Variants in CRPPA observed in about 807,000 individuals in gnomAD.
The protein encoded by CRPPA is CDP-L-ribitol pyrophosphorylase A, also known as D-ribitol-5-phosphate cytidylyltransferase.
Under a neutral mutation model 52.0 loss-of-function variants are expected in CRPPA, and 43 were observed. The ratio of observed to expected loss-of-function variants is 0.83; its 90% CI spans 0.65 to 1.07. CRPPA has a LOEUF of 1.07. CRPPA is among the 50% of genes least tolerant of loss of function. The pLI, the probability that CRPPA is intolerant of heterozygous loss-of-function variation, is 0.00. For synonymous variants in CRPPA, 250 were observed against 203.5 expected (o/e 1.23, Z -1.94); for missense variants, 629 against 551.7 (o/e 1.14, Z -1.40).
chr7:16,418,859 G>C (rs1788257528), intron 1 of CRPPA, among the ~76,000 whole-genome samples: 1 of 152,126 alleles, frequency 6.6e-6, no homozygotes, highest in Non-Finnish European at 1.5e-5. Context: ...GCCTATCTTA[G>C]ACTGCCTCAG....
intron 9 of CRPPA, among the ~76,000 whole-genome samples, chr7:16,146,747 T>C (rs2128377612): frequency 6.6e-6 from 1 of 151,504 alleles, no homozygotes; most frequent in African/African-American, 2.4e-5. Context: ...ATCACAAAGA[T>C]AAAATGTATA....
At chr7:16,349,865 C>A (rs1786102252) in intron 3 of CRPPA, among the ~76,000 whole-genome samples, 1 of 151,738 alleles carries the variant, frequency 6.6e-6, no homozygotes, top group Non-Finnish European at 1.5e-5. Flanking sequence ...ACAAACTTCC[C>A]AAGGCTGGAA....
At chr7:16,262,618 G>T (rs949058535) in intron 6 of CRPPA, among the ~76,000 whole-genome samples, 3 of 152,082 alleles carry the variant, frequency 2.0e-5, no homozygotes, top group Admixed American at 1.3e-4. Flanking sequence ...CTATGAATTA[G>T]AGTGTTAAAA....
intron 8 of CRPPA, among the ~76,000 whole-genome samples, chr7:16,252,301 T>C (rs1295159): frequency 0.78 from 118,323 of 152,118 alleles, 46,556 homozygotes; most frequent in African/African-American, 0.89. Context: ...ACAACAAAAA[T>C]CACATGATTG....
At chr7:16,317,663 G>A (rs1399981330) in intron 3 of CRPPA, among the ~76,000 whole-genome samples, 1 of 152,162 alleles carries the variant, frequency 6.6e-6, no homozygotes, top group East Asian at 1.9e-4. Flanking sequence ...AATGGACACA[G>A]GGTTTTTTCC....
intron 9 of CRPPA, among the ~76,000 whole-genome samples, chr7:16,116,313 G>A (rs902221112): frequency 2.0e-5 from 3 of 152,028 alleles, no homozygotes; most frequent in African/African-American, 7.2e-5. Flanking sequence ...ATCTAAATGA[G>A]GGACATTATA....
chr7:16,355,105 T>C (rs141446333), intron 3 of CRPPA, among the ~76,000 whole-genome samples: 151 of 152,302 alleles, frequency 9.9e-4, no homozygotes, highest in African/African-American at 3.5e-3. Context: ...AAATAAAGCA[T>C]GTCCATGTCG....
intron 5 of CRPPA, among the ~76,000 whole-genome samples, chr7:16,283,251 CATAT>C (rs140032683): frequency 6.9e-6 from 1 of 145,584 alleles, no homozygotes; most frequent in African/African-American, 2.5e-5. Flanking sequence ...ACTGATCTAC[CATAT>C]ATATATATAT....
intron 3 of CRPPA, among the ~76,000 whole-genome samples, chr7:16,312,206 T>C (rs2128425538): frequency 6.6e-6 from 1 of 152,142 alleles, no homozygotes; most frequent in Non-Finnish European, 1.5e-5. Flanking sequence ...TAGATCACGT[T>C]GGGGAGAAAT....
chr7:16,414,485 T>A (rs1009417984), intron 1 of CRPPA, among the ~76,000 whole-genome samples: 1 of 152,002 alleles, frequency 6.6e-6, no homozygotes, highest in African/African-American at 2.4e-5. Flanking sequence ...ATCCAGGGAA[T>A]ACATTTTTTA....
intron 2 of CRPPA, among the ~76,000 whole-genome samples, chr7:16,400,253 C>T (rs1787773191): frequency 1.3e-5 from 2 of 152,186 alleles, no homozygotes; most frequent in African/African-American, 2.4e-5. Context: ...ACATGATCAA[C>T]ACGTGATTGT....
At chr7:16,342,163 C>G (rs1416069845) in intron 3 of CRPPA, among the ~76,000 whole-genome samples, 1 of 152,152 alleles carries the variant, frequency 6.6e-6, no homozygotes, top group Non-Finnish European at 1.5e-5. Context: ...AAGTGACCCT[C>G]TGATTATGTG....
At chr7:16,165,001 T>A (rs1413548193) in intron 9 of CRPPA, among the ~76,000 whole-genome samples, 1 of 152,018 alleles carries the variant, frequency 6.6e-6, no homozygotes, top group African/African-American at 2.4e-5. Flanking sequence ...GAGGAGGCAG[T>A]CTGTCCCTTA....
chr7:16,124,501 C>T (rs1782538135), intron 9 of CRPPA, among the ~76,000 whole-genome samples: 1 of 152,114 alleles, frequency 6.6e-6, no homozygotes, highest in Admixed American at 6.5e-5. Context: ...GCTACATGTT[C>T]TCACTCATAT....
At chr7:16,249,825 T>G (rs991099560) in intron 8 of CRPPA, among the ~76,000 whole-genome samples, 5 of 152,188 alleles carry the variant, frequency 3.3e-5, no homozygotes, top group African/African-American at 1.2e-4. Flanking sequence ...CCTCTTCTCC[T>G]TCAAAGGATC....
chr7:16,411,354 G>C (rs1203614592), intron 1 of CRPPA, among the ~76,000 whole-genome samples: 1 of 152,054 alleles, frequency 6.6e-6, no homozygotes, highest in Non-Finnish European at 1.5e-5. Flanking sequence ...CTGAGAGGAA[G>C]GTGAAAAATC....
At chr7:16,143,337 C>T (rs929058919) in intron 9 of CRPPA, among the ~76,000 whole-genome samples, 2 of 152,150 alleles carry the variant, frequency 1.3e-5, no homozygotes, top group Non-Finnish European at 2.9e-5. Flanking sequence ...GAATAAAAAA[C>T]TTACCTTTGG....
intron 9 of CRPPA, among the ~76,000 whole-genome samples, chr7:16,103,118 T>G (rs925240800): frequency 2.0e-5 from 3 of 152,178 alleles, no homozygotes; most frequent in African/African-American, 7.2e-5. Context: ...TGGAATACTA[T>G]GCAGCCATAA....
chr7:16,208,675 C>T (rs984892469), intron 9 of CRPPA, among the ~76,000 whole-genome samples: 2 of 152,130 alleles, frequency 1.3e-5, no homozygotes, highest in Non-Finnish European at 2.9e-5. Flanking sequence ...TTGGCTAATT[C>T]ATCTTAAAAA....
Sources: allele counts gnomAD v4.1 joint callset (sites outside exome capture counted in the v4.1 genomes callset), GRCh38; gene constraint gnomAD v4.1.1; transcripts MANE v1.5; gene names NCBI Gene and HGNC (gene_info 2026-07-23, HGNC 2026-07-21).